PRPSAP2: variants seen among roughly 807,000 people sequenced by gnomAD.
PRPSAP2 encodes phosphoribosyl pyrophosphate synthetase associated protein 2.
PRPSAP2 carries 24 observed loss-of-function variants against 40.6 expected under a neutral mutation model. The observed-to-expected ratio is 0.59, with a 90% CI of 0.43 to 0.83. The LOEUF is 0.83. PRPSAP2 is among the 40% of genes least tolerant of loss of function. PRPSAP2 has a pLI of 0.00. For synonymous variants in PRPSAP2, 149 were observed against 164.7 expected (o/e 0.90, Z 0.73); for missense variants, 292 against 465.6 (o/e 0.63, Z 3.43).
At chr17:18,929,981 T>A (rs1013066244) in intron 11 of PRPSAP2, among the ~76,000 whole-genome samples, 1 of 151,994 alleles carries the variant, frequency 6.6e-6, no homozygotes, top group African/African-American at 2.4e-5. Context: ...CAGCCGTGAG[T>A]TGGGGGGGGG....
At chr17:18,930,199 C>T (rs930750428) in intron 11 of PRPSAP2, among the ~76,000 whole-genome samples, 27 of 151,988 alleles carry the variant, frequency 1.8e-4, no homozygotes, top group Non-Finnish European at 2.2e-4. Context: ...GGTGAAACCC[C>T]GTCTCTACTA....
At chr17:18,884,438 A>T (rs2038987823) in intron 7 of PRPSAP2, among the ~76,000 whole-genome samples, 1 of 152,114 alleles carries the variant, frequency 6.6e-6, no homozygotes, top group African/African-American at 2.4e-5. Context: ...TCCTGGGCTC[A>T]AGAGATTTCT....
intron 4 of PRPSAP2, among the ~76,000 whole-genome samples, chr17:18,869,525 T>C (rs2037686978): frequency 6.7e-6 from 1 of 150,024 alleles, no homozygotes; most frequent in Admixed American, 6.7e-5. Flanking sequence ...TTTTTAAATA[T>C]GGAGTCTTGC....
At chr17:18,860,650 C>A (rs999626622) in intron 1 of PRPSAP2, 5 of 152,156 alleles carry the variant, frequency 3.3e-5, no homozygotes, top group African/African-American at 9.7e-5. Flanking sequence ...GAAGGCAAAC[C>A]CAACTCTTCA....
rs556068367 is a variant in PRPSAP2, at chr17:18,905,315, C to T, written c.585-5788C>T. ...TGCTGGGATTACAAGTGTGAGCCACCGCACCCGGCCATGATTTTATTTATC... is the reference window on the plus strand; with the variant it reads ...TGCTGGGATTACAAGTGTGAGCCACTGCACCCGGCCATGATTTTATTTATC... On this transcript the variant is annotated intron_variant, in intron 8 of 11. Transcript: ENST00000268835. Among the ~76,000 whole-genome samples the T allele has an allele frequency of 2.4e-4, 37 of 151,942 alleles. 1 individual carries two copies. Among genetic ancestry groups the T allele is most frequent in the Admixed American group, 1.8e-3 (27 of 15,278 alleles).
At chr17:18,924,020 T>C (rs1381735399) in intron 10 of PRPSAP2, 36 bp downstream of exon 10, 1 of 1,558,994 alleles carries the variant, frequency 6.4e-7, no homozygotes, top group African/African-American at 1.4e-5. Flanking sequence ...TTCTAGTATT[T>C]GCCATTGTTA....
chr17:18,870,668 G>C (rs2037789320), intron 4 of PRPSAP2, among the ~76,000 whole-genome samples: 1 of 151,928 alleles, frequency 6.6e-6, no homozygotes, highest in Non-Finnish European at 1.5e-5. Flanking sequence ...AATTAGCCAG[G>C]GTTGGTGGCA....
Position 18,877,877 on chromosome 17 carries a change from A to G in PRPSAP2, c.412+7A>G, listed in dbSNP as rs773909599. 1.3e-4 allele frequency: 211 copies of G among 1,579,936 alleles called. 3 individuals are homozygous for G. The South Asian group carries it at 2.4e-3, about 18-fold the overall frequency. ...TCCATGATGTGCAAAGCTGGTAAGA[A>G]TGGCAGATGTTTCACAATTAATTGG... On this transcript the variant is annotated splice_region_variant and intron_variant, in intron 6 of 11. Coordinates refer to ENST00000268835, the MANE Select transcript of PRPSAP2 (RefSeq NM_002767.4).
intron 5 of PRPSAP2, among the ~76,000 whole-genome samples, chr17:18,876,069 G>A (rs2038279117): frequency 6.6e-6 from 1 of 152,174 alleles, no homozygotes; most frequent in Non-Finnish European, 1.5e-5. Context: ...GGAGGCGGAG[G>A]TTGCGGTGAG....
chr17:18,868,519 G>A (rs573837760), intron 4 of PRPSAP2, among the ~76,000 whole-genome samples: 6 of 151,662 alleles, frequency 4.0e-5, no homozygotes, highest in Non-Finnish European at 7.4e-5. Flanking sequence ...TAGCAGGAGC[G>A]ATGGACAGCT....
Position 18,911,895 on chromosome 17 carries a change from G to A in PRPSAP2, c.733+644G>A, listed in dbSNP as rs1410962868. 3.9e-5 allele frequency among the ~76,000 whole-genome samples: 6 copies of A among 152,100 alleles called. No individual in the cohort carries two copies. Among genetic ancestry groups the A allele is most frequent in the Non-Finnish European group, 7.4e-5 (5 of 68,004 alleles). On this transcript the variant is annotated intron_variant, in intron 9 of 11. Coordinates refer to ENST00000268835, the MANE Select transcript of PRPSAP2 (RefSeq NM_002767.4). The surrounding 1 kb of genome is among the most constrained non-coding windows in gnomAD (Gnocchi z 4.5). ...AGATAAAGGCGCCAGCACTGACCCCGTGATGGGCCGGGCACGGTGGCTCAC... is the reference window on the plus strand; with the variant it reads ...AGATAAAGGCGCCAGCACTGACCCCATGATGGGCCGGGCACGGTGGCTCAC...
At chr17:18,896,072 A>T (rs2039890754) in intron 8 of PRPSAP2, among the ~76,000 whole-genome samples, 2 of 152,200 alleles carry the variant, frequency 1.3e-5, no homozygotes, top group South Asian at 4.1e-4. Flanking sequence ...TGCCCGGCCC[A>T]TATTTTCCTT....
intron 8 of PRPSAP2, among the ~76,000 whole-genome samples, chr17:18,901,324 G>A (rs138612579): frequency 1.3e-3 from 200 of 152,226 alleles, no homozygotes; most frequent in African/African-American, 4.7e-3. Flanking sequence ...CCACCACCGT[G>A]ACGTTGCTCA....
intron 8 of PRPSAP2, among the ~76,000 whole-genome samples, chr17:18,901,415 T>C (rs1400112904): frequency 6.6e-6 from 1 of 152,156 alleles, no homozygotes; most frequent in African/African-American, 2.4e-5. Flanking sequence ...AATCTCGCTC[T>C]GTCACCCAGG....
chr17:18,872,186 T>C (rs2037937421), intron 4 of PRPSAP2, among the ~76,000 whole-genome samples: 2 of 149,080 alleles, frequency 1.3e-5, no homozygotes, highest in Admixed American at 1.4e-4. Flanking sequence ...GGCAGGAGAA[T>C]GGCATGAACC....
chr17:18,878,300 A>G (rs1248536484), intron 6 of PRPSAP2, among the ~76,000 whole-genome samples: 2 of 152,188 alleles, frequency 1.3e-5, no homozygotes, highest in Non-Finnish European at 2.9e-5. Flanking sequence ...TTGGGAAGCT[A>G]TGTGGGATGA....
chr17:18,869,261 A>G (rs763520307), intron 4 of PRPSAP2, among the ~76,000 whole-genome samples: 2 of 152,170 alleles, frequency 1.3e-5, no homozygotes, highest in African/African-American at 4.8e-5. Context: ...TCAGGAGTTC[A>G]GGGATTGATG....
At chr17:18,904,998 G>GTAA (rs2040490874) in intron 8 of PRPSAP2, 2 of 152,096 alleles carry the variant, frequency 1.3e-5, no homozygotes, top group Non-Finnish European at 2.9e-5. Context: ...TGCTGTGCAG[G>GTAA]TAATAATTTT....
intron 8 of PRPSAP2, among the ~76,000 whole-genome samples, chr17:18,901,342 A>G (rs1401319494): frequency 6.6e-6 from 1 of 151,912 alleles, no homozygotes; most frequent in African/African-American, 2.4e-5. Context: ...TCAGGTCCTG[A>G]GGTCCCTTGC....
Sources: gnomAD v4.1 joint callset for allele counts (sites outside exome capture counted in the v4.1 genomes callset) on GRCh38, gnomAD v4.1.1 for gene constraint, Gnocchi (gnomAD v3.1) non-coding constraint, MANE v1.5 for transcripts, NCBI Gene and HGNC (gene_info 2026-07-23, HGNC 2026-07-21) for gene names.